The following SMTN variants were observed in gnomAD, a reference collection of about 807,000 sequenced individuals.
The protein encoded by SMTN is smoothelin.
Under a neutral mutation model 102.0 loss-of-function variants are expected in SMTN, and 58 were observed. That is an observed-to-expected ratio of 0.57 (90% CI 0.46 to 0.71). SMTN has a LOEUF of 0.71. Among genes scored for constraint, SMTN ranks in the 30% least tolerant of loss-of-function variants. The probability of loss-of-function intolerance (pLI) is 0.00; values close to 1 mark genes in which losing one functional copy is unlikely to be tolerated. For missense variants in SMTN, 1,185 were observed against 1,241.7 expected (o/e 0.95, Z 0.69); for synonymous variants, 478 against 497.9 (o/e 0.96, Z 0.53).
chr22:31,102,050 A>G (rs1009743807), intron 20 of SMTN: 7 of 152,150 alleles, frequency 4.6e-5, no homozygotes, highest in African/African-American at 1.7e-4. Flanking sequence ...TGGTGGTGCC[A>G]TACTCCAAAG....
At chr22:31,099,947 C>T in intron 19 of SMTN, 51 bp downstream of exon 19, 1 of 1,587,110 alleles carries the variant, frequency 6.3e-7, no homozygotes, top group Non-Finnish European at 8.6e-7. Flanking sequence ...TGGGGCTGGA[C>T]ATCGGGACCA....
At chr22:31,066,331 CAG>C in intron 1 of SMTN, 1 of 151,490 alleles carries the variant, frequency 6.6e-6, no homozygotes, top group East Asian at 2.0e-4. Flanking sequence ...ATTTTTGAGA[CAG>C]AGTCTCGCTC....
chr22:31,083,497 T>A (rs1375659034), intron 2 of SMTN, 188 bp downstream of exon 2: 1 of 668,656 alleles, frequency 1.5e-6, no homozygotes. Context: ...TGCCTGTCCA[T>A]GCCTGGTACT....
In SMTN at chr22:31,091,149, T is replaced by G; in HGVS notation, c.1126T>G (p.Ser376Ala). The stretch of plus-strand genomic sequence containing the variant: ...CTCCCTCACCAGCACCACCCCTGCC[T>G]CCTCCTCCAGCGGCTCCTCCTCTCG... ...GPSLTSTTPA[S>A]SSSGSSSRGP... is the part of the protein sequence containing the mutation. The change falls in exon 10 of 21, where the codon TCC becomes GCC. Residue 376 changes from serine to alanine, a missense_variant. By Grantham distance (99) the Ser-to-Ala change is moderately conservative (BLOSUM62 1). This residue lies in a region of SMTN where 1,096 missense variants were observed against 1,112.7 expected (regional missense o/e 0.98). Transcript: ENST00000333137. 6.2e-7 allele frequency: 1 copy of G among 1,613,574 alleles called. No individual in the cohort carries two copies. The highest frequency in any genetic ancestry group is 8.5e-7 in the Non-Finnish European group (1 of 1,179,804).
In SMTN at chr22:31,091,812, G is replaced by GCC; in HGVS notation, c.1604_1605dup (p.Ser536ProfsTer34). The GCC allele has an allele frequency of 1.9e-6, 3 of 1,595,066 alleles. No homozygotes were observed. Among genetic ancestry groups the GCC allele is most frequent in the Non-Finnish European group, 8.6e-7 (1 of 1,169,106 alleles). On this transcript the variant is annotated frameshift_variant, in exon 11 of 21. Coordinates refer to ENST00000333137, the MANE Select transcript of SMTN (RefSeq NM_134269.3). LOFTEE classifies it high-confidence loss of function. ...CACTCATGTCACCAGCTTCAGCCAT[G>GCC]CCCCCCCCAGTAGCCGAGGAGGCTG...
chr22:31,093,121 C>T (rs2043256697), intron 11 of SMTN, among the ~76,000 whole-genome samples: 1 of 152,256 alleles, frequency 6.6e-6, no homozygotes, highest in Non-Finnish European at 1.5e-5. Flanking sequence ...AGGCATGGGG[C>T]CCCGATCTCA....
rs115556703 is a variant in SMTN, at chr22:31,088,373, C to T, written c.201-140C>T. On this transcript the variant is annotated intron_variant, in intron 3 of 20. Transcript: ENST00000333137. ...CCCACGTCCATGGGCATATGTGTAT[C>T]AGTGTGCAGTTAGAGGGTGTGCACA... The T allele has an allele frequency of 4.1e-3, 3,322 of 803,640 alleles. 62 individuals are homozygous for T. The African/African-American group carries it at 0.042, about 10-fold the overall frequency. The allele number at this position is 803,640 out of a possible 1,614,324, so 49.8% of individuals were successfully genotyped here.
At chr22:31,088,419 G>A in intron 3 of SMTN, 94 bp from the exon 4 acceptor site, 2 of 1,118,676 alleles carry the variant, frequency 1.8e-6, no homozygotes, top group South Asian at 1.4e-5. Flanking sequence ...CTTCTGCCAA[G>A]GTTCTGGGTA....
chr22:31,078,238 G>A (rs1048668327), upstream of SMTN, among the ~76,000 whole-genome samples: 1 of 152,214 alleles, frequency 6.6e-6, no homozygotes, highest in African/African-American at 2.4e-5. Flanking sequence ...CCTGACCCAA[G>A]GCCTGGGCTT....
chr22:31,100,214 C>G (rs79017381), intron 19 of SMTN, among the ~76,000 whole-genome samples: 1 of 152,090 alleles, frequency 6.6e-6, no homozygotes, highest in Non-Finnish European at 1.5e-5. Context: ...CTGTCCTGCT[C>G]TCCTCCCACT....
intron 1 of SMTN, among the ~76,000 whole-genome samples, chr22:31,073,011 CTTTTT>C (rs59040826): frequency 4.7e-5 from 4 of 85,676 alleles, no homozygotes; most frequent in Admixed American, 1.3e-4. Flanking sequence ...CTCTCTCTCT[CTTTTT>C]TTTTTTTTTT....
At position 31,091,319 on chromosome 22, in the gene SMTN, G is replaced by A. The variant is rs763294143; in HGVS notation, c.1296G>A (p.Gly432=). 6.2e-7 allele frequency: 1 copy of A among 1,604,712 alleles called. No individual in the cohort carries two copies. The highest frequency in any genetic ancestry group is 8.5e-7 in the Non-Finnish European group (1 of 1,177,284). ...GGCCCCTTGAAAACAGAGCAGGGGG[G>A]CCTGTGGCACGTTCAGAGGAGCCTG... The part of the protein sequence containing the change: ...AARPLENRAG[G]PVARSEEPGA... The change falls in exon 10 of 21, where the codon GGG becomes GGA. Residue 432 remains glycine, a synonymous_variant. Transcript: ENST00000333137.
At position 31,097,037 on chromosome 22, in the gene SMTN, C is replaced by T. The variant is rs372272230; in HGVS notation, c.2066C>T (p.Ser689Leu). 25 of 1,614,176 alleles carry T rather than the reference C, an allele frequency of 1.5e-5. No individual in the cohort carries two copies. Among genetic ancestry groups the T allele is most frequent in the Non-Finnish European group, 1.9e-5 (23 of 1,180,038 alleles). ...TRTARTTTVE[S>L]SFVRRSENGS... The stretch of plus-strand genomic sequence containing the variant: ...ACGGCCCGCACCACCACAGTGGAGT[C>T]GAGTTTCGTGAGGCGCTCGGAGAGT... The change falls in exon 15 of 21, where the codon TCG becomes TTG. Residue 689 changes from serine to leucine, a missense_variant. Ser to Leu is a moderately radical substitution (Grantham distance 145). Around this residue, in one of 2 missense-constraint regions of SMTN, gnomAD observed 1,096 missense variants for 1,112.7 expected, o/e 0.98. Coordinates refer to ENST00000333137, the MANE Select transcript of SMTN (RefSeq NM_134269.3).
Position 31,104,469 on chromosome 22 carries a change from TGCCC to T in SMTN, c.*181_*184del. ...GCCTGCGCGGCAAGAATGTCTAGCC[TGCCC>T]GCCCGCATGGCCAGCCAGTGGCAAG... On this transcript the variant is annotated 3_prime_UTR_variant, in exon 21 of 21. Coordinates refer to ENST00000333137, the MANE Select transcript of SMTN (RefSeq NM_134269.3). The T allele has an allele frequency of 6.2e-7, 1 of 1,612,144 alleles. No homozygotes were observed. The highest frequency in any genetic ancestry group is 8.5e-7 in the Non-Finnish European group (1 of 1,179,740).
In SMTN at chr22:31,099,065, C is replaced by T. The variant is rs1275724226; in HGVS notation, c.2337C>T (p.Ser779=). Residue 779 remains serine, a synonymous_variant, in exon 18 of 21, where the codon AGC becomes AGT. Coordinates refer to ENST00000333137, the MANE Select transcript of SMTN (RefSeq NM_134269.3). The part of the protein sequence containing the change: ...EKLEKEGAAG[S]PGGPRAAVQR... ...GGTCCTGACACCGCCCCTACAGCAG[C>T]CCTGGCGGACCCCGCGCAGCCGTGC... is the stretch of plus-strand genomic sequence containing the variant. 1 of 1,611,162 alleles carries T rather than the reference C, an allele frequency of 6.2e-7. No individual in the cohort carries two copies. Among genetic ancestry groups the T allele is most frequent in the African/African-American group, 1.3e-5 (1 of 74,916 alleles).
In SMTN at chr22:31,089,857, C is replaced by T. The variant is rs374512718; in HGVS notation, c.630C>T (p.Thr210=). ...SSPASPSSSP[T]PASPEPPLEP... is the part of the protein sequence containing the mutation. ...CTGCCTCACCCAGCAGTTCACCCAC[C>T]CCTGCCTCTCCTGAGCCTCCATTGG... The change falls in exon 7 of 21, where the codon ACC becomes ACT. Residue 210 remains threonine, a synonymous_variant. Coordinates refer to ENST00000333137, the MANE Select transcript of SMTN (RefSeq NM_134269.3). The T allele has an allele frequency of 6.2e-7, 1 of 1,613,862 alleles. No homozygotes were observed. The highest frequency in any genetic ancestry group is 8.5e-7 in the Non-Finnish European group (1 of 1,180,002).
intron 2 of SMTN, chr22:31,085,194 G>A (rs1288193721): frequency 1.3e-6 from 2 of 1,535,334 alleles, no homozygotes; most frequent in African/African-American, 1.4e-5. Flanking sequence ...GGGTGTCCTG[G>A]GGACCTTGGT....
chr22:31,090,272 C>T lies in SMTN; in HGVS notation c.865+92C>T, dbSNP rs1423627007. 4 of 1,028,574 alleles carry T rather than the reference C, an allele frequency of 3.9e-6. No individual in the cohort carries two copies. The Admixed American group carries it at 7.5e-5, about 19-fold the overall frequency. The allele number at this position is 1,028,574 out of a possible 1,614,324, so 63.7% of individuals were successfully genotyped here. The stretch of plus-strand genomic sequence containing the variant: ...CTAGAAAATGGGCTCTTGTGCCTGG[C>T]AGCTCTAGCTTCCTCAGGTCCATGC... On this transcript the variant is annotated intron_variant, in intron 8 of 20. Coordinates refer to ENST00000333137, the MANE Select transcript of SMTN (RefSeq NM_134269.3).
chr22:31,085,157 T>G, intron 2 of SMTN: 1 of 1,535,454 alleles, frequency 6.5e-7, no homozygotes, highest in Non-Finnish European at 8.7e-7. Flanking sequence ...CGGTCCCGAG[T>G]TCGAGTTCGA....
Sources: allele counts gnomAD v4.1 joint callset (sites outside exome capture counted in the v4.1 genomes callset), GRCh38; gene constraint gnomAD v4.1.1; regional missense constraint gnomAD v4.1.1; transcripts MANE v1.5; gene names NCBI Gene and HGNC (gene_info 2026-07-23, HGNC 2026-07-21).